The following OSBPL11 variants were observed in gnomAD, a reference collection of about 807,000 sequenced individuals.
The protein encoded by OSBPL11 is oxysterol-binding protein-related protein 11.
In OSBPL11, 33 loss-of-function variants were observed where a neutral mutation model predicts 84.4. The observed-to-expected ratio is 0.39, with a 90% confidence interval of 0.30 to 0.52. The LOEUF is 0.52. OSBPL11 is among the 20% of genes least tolerant of loss of function. OSBPL11 has a pLI of 0.72. For missense variants in OSBPL11, 736 were observed against 901.1 expected (o/e 0.82, Z 2.35); for synonymous variants, 276 against 310.2 (o/e 0.89, Z 1.16).
In OSBPL11 at chr3:125,595,377, C is replaced by A. The variant is rs551428746; in HGVS notation, c.-577G>T. Among the ~76,000 whole-genome samples, 1 of 152,310 alleles carries A rather than the reference C, an allele frequency of 6.6e-6. No individual in the cohort carries two copies. The highest frequency in any genetic ancestry group is 2.4e-5 in the African/African-American group (1 of 41,578). ...GGGACGCCGGCTCCCGGGGCCGCCT[C>A]TCCCAGGGCCAGAGGCGAGCCACTC... On this transcript the variant is annotated 5_prime_UTR_variant, in exon 1 of 13. Transcript: ENST00000296220.
rs775266350 is a variant in OSBPL11 at position 125,567,552 on chromosome 3, C to T, written c.710G>A (p.Arg237Gln). The T allele has an allele frequency of 5.0e-6, 8 of 1,614,138 alleles. No homozygotes were observed. Among genetic ancestry groups the T allele is most frequent in the Non-Finnish European group, 6.8e-6 (8 of 1,180,000 alleles). Reference sequence around the variant, plus strand: ...GCCAGAAGTAGGAAGGCATTCAATTCGTCTAATTAAGTCTCTTTGTTGTCC... The same window carrying T: ...GCCAGAAGTAGGAAGGCATTCAATTTGTCTAATTAAGTCTCTTTGTTGTCC... ...AEGQQRDLIR[R>Q]IECLPTSGHL... Residue 237 changes from arginine to glutamine, a missense_variant, in exon 6 of 13, where the codon CGA becomes CAA. Arg to Gln is a conservative substitution (Grantham distance 43, BLOSUM62 1). Coordinates refer to ENST00000296220, the MANE Select transcript of OSBPL11 (RefSeq NM_022776.5).
rs1255589272 is a variant in OSBPL11 at position 125,558,069 on chromosome 3, C to T, written c.1155+2310G>A. Among the ~76,000 whole-genome samples the T allele has an allele frequency of 2.0e-5, 3 of 152,112 alleles. No homozygotes were observed. The East Asian group carries it at 5.8e-4, about 29-fold the overall frequency. Reference sequence around the variant, plus strand: ...TTGGCCTCCTAAAGTGCTGCGATTACAGGCATGAGCCACCACACCCAGCCA... The same window carrying T: ...TTGGCCTCCTAAAGTGCTGCGATTATAGGCATGAGCCACCACACCCAGCCA... On this transcript the variant is annotated intron_variant, in intron 8 of 12. Coordinates refer to ENST00000296220, the MANE Select transcript of OSBPL11 (RefSeq NM_022776.5).
chr3:125,592,132 C>T (rs1178614740), intron 1 of OSBPL11, among the ~76,000 whole-genome samples: 2 of 152,190 alleles, frequency 1.3e-5, no homozygotes, highest in Non-Finnish European at 2.9e-5. Flanking sequence ...ACAATCACAG[C>T]TCACTGGAGC....
intron 5 of OSBPL11, among the ~76,000 whole-genome samples, chr3:125,568,266 C>A (rs948542025): frequency 3.3e-5 from 5 of 151,742 alleles, no homozygotes. Flanking sequence ...CCTGTCTCTA[C>A]TAAAAATACA....
At chr3:125,583,610 G>T (rs76343923) in intron 1 of OSBPL11, among the ~76,000 whole-genome samples, 1 of 144,830 alleles carries the variant, frequency 6.9e-6, no homozygotes, top group African/African-American at 2.5e-5. Context: ...AAAAAAAAGG[G>T]CTGAGTGCAG....
At chr3:125,582,202 G>T (rs1936438104) in intron 2 of OSBPL11, among the ~76,000 whole-genome samples, 1 of 151,916 alleles carries the variant, frequency 6.6e-6, no homozygotes. Flanking sequence ...GGGTATGGTG[G>T]CGCATGCCTG....
At chr3:125,586,306 C>T (rs1936509479) in intron 1 of OSBPL11, among the ~76,000 whole-genome samples, 1 of 152,054 alleles carries the variant, frequency 6.6e-6, no homozygotes, top group South Asian at 2.1e-4. Flanking sequence ...AACTTCACTG[C>T]TCAAGAAACT....
intron 5 of OSBPL11, among the ~76,000 whole-genome samples, chr3:125,568,428 C>T (rs1411222934): frequency 1.4e-5 from 2 of 139,058 alleles, no homozygotes; most frequent in African/African-American, 2.7e-5. Flanking sequence ...GAGACTACGT[C>T]TCAAAAAAAA....
intron 1 of OSBPL11, among the ~76,000 whole-genome samples, chr3:125,586,973 A>G (rs1936522423): frequency 6.6e-6 from 1 of 152,258 alleles, no homozygotes; most frequent in South Asian, 2.1e-4. Flanking sequence ...AAAGCATAAG[A>G]AAATCAAAAA....
In OSBPL11 at chr3:125,552,224, G is replaced by A. The variant is rs771300850; in HGVS notation, c.1611C>T (p.Ser537=). 73 of 1,612,468 alleles carry A rather than the reference G, an allele frequency of 4.5e-5. No homozygotes were observed. The highest frequency in any genetic ancestry group is 5.8e-5 in the Non-Finnish European group (69 of 1,179,526). Residue 537 remains serine, a synonymous_variant, in exon 9 of 13, where the codon AGC becomes AGT. Transcript: ENST00000296220. ...MCVNAHVWTK[S]KFLGMSIGVT... The stretch of plus-strand genomic sequence containing the variant: ...CGCCTATTGACATGCCTAAGAACTT[G>A]CTCTTAGTCCAGACATGCGCATTTA...
At chr3:125,587,562 A>C (rs1347201833) in intron 1 of OSBPL11, among the ~76,000 whole-genome samples, 3 of 152,216 alleles carry the variant, frequency 2.0e-5, no homozygotes, top group Non-Finnish European at 4.4e-5. Flanking sequence ...AGGGGAATAC[A>C]GAGAAGAAAT....
Position 125,547,930 on chromosome 3 carries a change from T to G in OSBPL11, c.1655-338A>C, listed in dbSNP as rs185790427. ...TTTGTGCTTGTTGCCCAGGCTGGAG[T>G]GCAGTGGCGTGATCTTGGCTCACTG... On this transcript the variant is annotated intron_variant, in intron 9 of 12. Transcript: ENST00000296220. Among the ~76,000 whole-genome samples the G allele has an allele frequency of 5.6e-4, 85 of 152,184 alleles. 2 individuals carry two copies. Among genetic ancestry groups the G allele is most frequent in the Non-Finnish European group, 5.4e-4 (37 of 68,008 alleles).
intron 5 of OSBPL11, among the ~76,000 whole-genome samples, chr3:125,573,437 T>C (rs1444735052): frequency 6.6e-6 from 1 of 152,148 alleles, no homozygotes; most frequent in African/African-American, 2.4e-5. Context: ...GCATGAAGCA[T>C]GGACTGAAAA....
At chr3:125,577,689 C>T (rs533631099) in intron 4 of OSBPL11, among the ~76,000 whole-genome samples, 25 of 152,040 alleles carry the variant, frequency 1.6e-4, no homozygotes, top group Middle Eastern at 3.4e-3. Flanking sequence ...ATTAGCCGGG[C>T]GTGGTGGCAG....
chr3:125,576,108 C>T (rs1936317762), intron 5 of OSBPL11, 81 bp downstream of exon 5: 2 of 1,268,666 alleles, frequency 1.6e-6, no homozygotes, highest in African/African-American at 1.6e-5. Context: ...AAGACACAAA[C>T]AGTATTTAAG....
At chr3:125,573,601 G>C (rs543365731) in intron 5 of OSBPL11, among the ~76,000 whole-genome samples, 1 of 152,178 alleles carries the variant, frequency 6.6e-6, no homozygotes, top group African/African-American at 2.4e-5. Context: ...GGTGGCTCAC[G>C]CCTGTAATCC....
At chr3:125,531,768 G>T in intron 12 of OSBPL11, 93 bp downstream of exon 12, 1 of 1,222,872 alleles carries the variant, frequency 8.2e-7, no homozygotes, top group East Asian at 2.5e-5. Context: ...TAAAAATAAA[G>T]ATGTATAAGT....
At chr3:125,578,834 A>G (rs554213072) in intron 4 of OSBPL11, 126 bp downstream of exon 4, 3 of 482,616 alleles carry the variant, frequency 6.2e-6, no homozygotes, top group Admixed American at 8.0e-5. Flanking sequence ...CCACAGGATT[A>G]TACGTATATA....
intron 8 of OSBPL11, among the ~76,000 whole-genome samples, chr3:125,558,063 C>T (rs192803833): frequency 4.6e-4 from 70 of 152,032 alleles, no homozygotes; most frequent in Non-Finnish European, 8.5e-4. Context: ...TAAAGTGCTG[C>T]GATTACAGGC....
Sources: allele counts gnomAD v4.1 joint callset (sites outside exome capture counted in the v4.1 genomes callset), GRCh38; gene constraint gnomAD v4.1.1; transcripts MANE v1.5; gene names NCBI Gene and HGNC (gene_info 2026-07-23, HGNC 2026-07-21).